PDE7B: variants seen among roughly 807,000 people sequenced by gnomAD.
PDE7B encodes the protein phosphodiesterase 7B.
Under a neutral mutation model 56.2 loss-of-function variants are expected in PDE7B, and 29 were observed. The ratio of observed to expected loss-of-function variants is 0.52; its 90% CI spans 0.38 to 0.70. The LOEUF is 0.70. PDE7B is among the 30% of genes least tolerant of loss of function. PDE7B has a pLI of 0.00. For missense variants in PDE7B, 490 were observed against 565.0 expected, an observed-to-expected ratio of 0.87 and a Z score of 1.35; for synonymous variants, 197 against 196.9, an observed-to-expected ratio of 1.00 and a Z score of 0.00.
chr6:136,039,444 G>A (rs762844775), intron 2 of PDE7B, among the ~76,000 whole-genome samples: 2 of 152,174 alleles, frequency 1.3e-5, no homozygotes, highest in Non-Finnish European at 2.9e-5. Context: ...TGCCATTGGC[G>A]GTGAGGGATG....
intron 2 of PDE7B, among the ~76,000 whole-genome samples, chr6:135,957,628 G>C (rs1205568455): frequency 6.6e-6 from 1 of 152,080 alleles, no homozygotes; most frequent in South Asian, 2.1e-4. Context: ...CAGTGAGCCT[G>C]CACATTCCGG....
At chr6:136,139,728 G>A (rs973205660) in intron 3 of PDE7B, among the ~76,000 whole-genome samples, 5 of 152,250 alleles carry the variant, frequency 3.3e-5, no homozygotes, top group East Asian at 1.9e-4. Flanking sequence ...CAGTGATGAC[G>A]AGCATTTTTT....
intron 12 of PDE7B, 21 bp downstream of exon 12, chr6:136,187,137 A>G: frequency 2.6e-6 from 3 of 1,167,962 alleles, no homozygotes; most frequent in Non-Finnish European, 3.8e-6. Flanking sequence ...TTCAGTGTTA[A>G]TTCCAAATAA....
chr6:136,070,538 C>T (rs1777030013), intron 2 of PDE7B, among the ~76,000 whole-genome samples: 2 of 123,420 alleles, frequency 1.6e-5, no homozygotes, highest in Non-Finnish European at 3.3e-5. Flanking sequence ...TAAGTGTTCT[C>T]TAATCTGCTT....
intron 2 of PDE7B, among the ~76,000 whole-genome samples, chr6:136,036,080 A>G (rs549558167): frequency 6.6e-6 from 1 of 152,234 alleles, no homozygotes; most frequent in Non-Finnish European, 1.5e-5. Context: ...AGGAAATATG[A>G]TAATAAAGCA....
intron 2 of PDE7B, among the ~76,000 whole-genome samples, chr6:136,071,463 A>AAC (rs926391473): frequency 2.0e-5 from 3 of 152,190 alleles, no homozygotes; most frequent in African/African-American, 7.2e-5. Context: ...GTAAACTGGA[A>AAC]ACACACACAC....
chr6:135,893,936 T>G (rs775462955), intron 1 of PDE7B, among the ~76,000 whole-genome samples: 7 of 152,210 alleles, frequency 4.6e-5, no homozygotes, highest in Admixed American at 6.6e-5. Context: ...TCTTTTAACC[T>G]GTCACCAAAA....
At chr6:135,923,542 CTT>C (rs1328347053) in intron 1 of PDE7B, among the ~76,000 whole-genome samples, 1 of 152,042 alleles carries the variant, frequency 6.6e-6, no homozygotes, top group African/African-American at 2.4e-5. Context: ...GCAGAACTGA[CTT>C]TTTAGAAAAA....
At chr6:135,852,659 A>G (rs1362282536) in intron 1 of PDE7B, among the ~76,000 whole-genome samples, 2 of 152,214 alleles carry the variant, frequency 1.3e-5, no homozygotes, top group African/African-American at 2.4e-5. Flanking sequence ...GAGAGATGCA[A>G]GTACTAAGTT....
intron 1 of PDE7B, among the ~76,000 whole-genome samples, chr6:135,921,207 G>A (rs2128195393): frequency 6.6e-6 from 1 of 152,190 alleles, no homozygotes; most frequent in Middle Eastern, 3.4e-3. Flanking sequence ...CACTTGTCTC[G>A]TGTGTCAGTC....
At chr6:136,062,063 G>T (rs1273933207) in intron 2 of PDE7B, among the ~76,000 whole-genome samples, 2 of 152,184 alleles carry the variant, frequency 1.3e-5, no homozygotes, top group Non-Finnish European at 1.5e-5. Context: ...AGCTCTGTGG[G>T]ATCGCCAATG....
At chr6:136,058,105 T>A (rs1776770502) in intron 2 of PDE7B, among the ~76,000 whole-genome samples, 1 of 152,270 alleles carries the variant, frequency 6.6e-6, no homozygotes, top group East Asian at 1.9e-4. Flanking sequence ...AACCACTGCT[T>A]TTTAGGAATC....
chr6:135,898,269 C>A (rs559363284), intron 1 of PDE7B, among the ~76,000 whole-genome samples: 1 of 152,180 alleles, frequency 6.6e-6, no homozygotes, highest in Admixed American at 6.5e-5. Flanking sequence ...ATGTAAACCC[C>A]AGAAGAAATT....
intron 1 of PDE7B, among the ~76,000 whole-genome samples, chr6:135,922,319 G>GT (rs1335231481): frequency 5.3e-5 from 8 of 152,166 alleles, no homozygotes; most frequent in African/African-American, 1.9e-4. Context: ...ACTAGGTTCA[G>GT]TAGTGAAACT....
intron 1 of PDE7B, among the ~76,000 whole-genome samples, chr6:135,945,417 T>C (rs1057011671): frequency 6.6e-6 from 1 of 152,156 alleles, no homozygotes; most frequent in Non-Finnish European, 1.5e-5. Context: ...CCTTCCTCCA[T>C]GGTCCAGCCT....
intron 2 of PDE7B, among the ~76,000 whole-genome samples, chr6:136,102,368 C>T (rs1400278221): frequency 6.6e-6 from 1 of 152,122 alleles, no homozygotes; most frequent in Non-Finnish European, 1.5e-5. Flanking sequence ...CAACTATGTG[C>T]CAGGCACTGT....
Position 136,084,781 on chromosome 6 carries a change from C to G in PDE7B, c.83-23950C>G, listed in dbSNP as rs147297881. ...ATCAAGGCATCTAAAAGGTACTTAT[C>G]TTTATGTTCTCCCTTTAAGGATACC... is the stretch of plus-strand genomic sequence containing the variant. On this transcript the variant is annotated intron_variant, in intron 2 of 12. Transcript: ENST00000308191. Among the ~76,000 whole-genome samples the G allele has an allele frequency of 9.3e-3, 1,420 of 152,268 alleles. 31 individuals carry two copies. Among genetic ancestry groups the G allele is most frequent in the African/African-American group, 0.031 (1,287 of 41,546 alleles).
At chr6:135,877,756 A>AAC (rs1775527229) in intron 1 of PDE7B, among the ~76,000 whole-genome samples, 1 of 143,782 alleles carries the variant, frequency 7.0e-6, no homozygotes. Context: ...ACAAAACAAA[A>AAC]AAAAAAAAAA....
At chr6:136,073,349 T>C (rs1177065527) in intron 2 of PDE7B, among the ~76,000 whole-genome samples, 1 of 152,226 alleles carries the variant, frequency 6.6e-6, no homozygotes, top group African/African-American at 2.4e-5. Flanking sequence ...TTTTCTTTAC[T>C]GAGTCATAAA....
Sources: gnomAD v4.1 joint callset for allele counts (sites outside exome capture counted in the v4.1 genomes callset) on GRCh38, gnomAD v4.1.1 for gene constraint, MANE v1.5 for transcripts, NCBI Gene and HGNC (gene_info 2026-07-23, HGNC 2026-07-21) for gene names.